Variants in RRAS2 observed in about 807,000 individuals in gnomAD.
The protein encoded by RRAS2 is RAS related 2, also known as ras-related protein R-Ras2.
Under a neutral mutation model 27.6 loss-of-function variants are expected in RRAS2, and 7 were observed. The ratio of observed to expected loss-of-function variants is 0.25; its 90% CI spans 0.14 to 0.48. RRAS2 has a LOEUF of 0.48. Ranked by LOEUF, RRAS2 falls within the 20% of genes least tolerant of loss-of-function variation. The pLI, the probability that RRAS2 is intolerant of heterozygous loss-of-function variation, is 0.99. For missense variants in RRAS2, 178 were observed against 256.2 expected (o/e 0.69, Z 2.08); for synonymous variants, 86 against 90.9 (o/e 0.95, Z 0.31).
At chr11:14,292,529 G>A (rs1847427392) in intron 4 of RRAS2, among the ~76,000 whole-genome samples, 1 of 151,828 alleles carries the variant, frequency 6.6e-6, no homozygotes, top group Admixed American at 6.6e-5. Flanking sequence ...AGGGTCCACT[G>A]GGCAACATCA....
rs1167004807 is a variant in RRAS2 at position 14,295,700 on chromosome 11, A to C, written c.196+68T>G. The C allele has an allele frequency of 5.0e-6, 6 of 1,201,904 alleles. No individual in the cohort carries two copies. In the African/African-American group the frequency reaches 9.2e-5, roughly 18 times the overall value. 74.5% of individuals were successfully genotyped at this position (1,201,904 alleles called of 1,614,324 possible). A position where few individuals can be genotyped will look rare whatever the true frequency, so the allele number is the denominator to read the frequency against. On this transcript the variant is annotated intron_variant, in intron 2 of 5. Coordinates refer to ENST00000256196, the MANE Select transcript of RRAS2 (RefSeq NM_012250.6). ...TTTCAAATATATTATTTAACATAGC[A>C]AAACATCAGCGCTTACTTTTTTAAA...
chr11:14,343,938 C>T (rs1489128605), intron 1 of RRAS2, among the ~76,000 whole-genome samples: 2 of 150,730 alleles, frequency 1.3e-5, no homozygotes, highest in South Asian at 2.1e-4. Context: ...TCCAGGAGTT[C>T]GAGAGCAGCC....
At chr11:14,307,624 A>C (rs1399722821) in intron 1 of RRAS2, among the ~76,000 whole-genome samples, 9 of 152,102 alleles carry the variant, frequency 5.9e-5, no homozygotes, top group Admixed American at 5.9e-4. Flanking sequence ...AATCAGGTCT[A>C]ACTCCAATGC....
chr11:14,295,356 T>C (rs186916355), intron 2 of RRAS2, among the ~76,000 whole-genome samples: 4 of 152,368 alleles, frequency 2.6e-5, no homozygotes, highest in African/African-American at 9.6e-5. Context: ...AGAGGGGGGA[T>C]GTTTAGACAC....
chr11:14,328,179 C>T (rs934772510), intron 1 of RRAS2, among the ~76,000 whole-genome samples: 6 of 151,892 alleles, frequency 4.0e-5, no homozygotes, highest in African/African-American at 1.5e-4. Context: ...ACCAGCCTGA[C>T]CAACATGGAG....
chr11:14,322,207 T>A (rs1554950368), intron 1 of RRAS2, among the ~76,000 whole-genome samples: 1 of 151,372 alleles, frequency 6.6e-6, no homozygotes, highest in East Asian at 1.9e-4. Flanking sequence ...GGGGCAGGTG[T>A]GTCACTTGGA....
chr11:14,346,314 T>C (rs2134029691), intron 1 of RRAS2, among the ~76,000 whole-genome samples: 1 of 152,300 alleles, frequency 6.6e-6, no homozygotes, highest in South Asian at 2.1e-4. Context: ...AATACAAAAA[T>C]GGAGAAGTCT....
At chr11:14,313,362 T>C (rs1200340695) in intron 1 of RRAS2, among the ~76,000 whole-genome samples, 1 of 152,190 alleles carries the variant, frequency 6.6e-6, no homozygotes, top group African/African-American at 2.4e-5. Flanking sequence ...TATATGCATA[T>C]AATATAGGTC....
In RRAS2 at chr11:14,338,021, T is replaced by C. The variant is rs759754963; in HGVS notation, c.108+20742A>G. On this transcript the variant is annotated intron_variant, in intron 1 of 5. Transcript: ENST00000256196. Reference sequence around the variant, plus strand: ...CCTTCTCGAGTTTTCTATAGTATGCTTGACAGTTCAAAAAAAAAGTTAATA... The same window carrying C: ...CCTTCTCGAGTTTTCTATAGTATGCCTGACAGTTCAAAAAAAAAGTTAATA... Among the ~76,000 whole-genome samples, 149 of 152,246 alleles carry C rather than the reference T, an allele frequency of 9.8e-4. 1 individual carries two copies. The highest frequency in any genetic ancestry group is 2.0e-3 in the Admixed American group (31 of 15,292).
chr11:14,361,528 T>C (rs915320204), upstream of RRAS2, among the ~76,000 whole-genome samples: 1 of 152,152 alleles, frequency 6.6e-6, no homozygotes, highest in African/African-American at 2.4e-5. Context: ...AGACCCTGTC[T>C]CAAAAAAAAG....
chr11:14,337,293 T>G (rs559718983), intron 1 of RRAS2: 22 of 152,364 alleles, frequency 1.4e-4, no homozygotes, highest in African/African-American at 5.1e-4. Context: ...CTGTATATGC[T>G]ACTCAACCGT....
intron 1 of RRAS2, among the ~76,000 whole-genome samples, chr11:14,300,446 A>G (rs1377459330): frequency 1.3e-5 from 2 of 152,130 alleles, no homozygotes; most frequent in Non-Finnish European, 2.9e-5. Flanking sequence ...ACGCGCCTAT[A>G]GTCCCAGCTA....
intron 1 of RRAS2, among the ~76,000 whole-genome samples, chr11:14,332,792 T>C (rs1848507172): frequency 1.3e-5 from 2 of 151,656 alleles, no homozygotes; most frequent in African/African-American, 4.9e-5. Flanking sequence ...CTTTTCCAAG[T>C]AAAGTAACAG....
rs567596127 is a variant in RRAS2, at chr11:14,284,839, T to A, written c.409-3119A>T. ...TTCATTATTGCTAGCCAGGCAATCATGAAAATAATTAAAGTAGCTATATAA... is the reference window on the plus strand; with the variant it reads ...TTCATTATTGCTAGCCAGGCAATCAAGAAAATAATTAAAGTAGCTATATAA... On this transcript the variant is annotated intron_variant, in intron 4 of 5. Transcript: ENST00000256196. Among the ~76,000 whole-genome samples, 11 of 152,324 alleles carry A rather than the reference T, an allele frequency of 7.2e-5. No individual in the cohort carries two copies. The East Asian group carries it at 2.1e-3, about 29-fold the overall frequency.
chr11:14,329,009 GTGTATATATA>G (rs1848428078), intron 1 of RRAS2, among the ~76,000 whole-genome samples: 1 of 58,156 alleles, frequency 1.7e-5, no homozygotes, highest in African/African-American at 4.6e-5. Flanking sequence ...GTGTGTGTGT[GTGTATATATA>G]TATATATATA....
chr11:14,348,075 T>C (rs1848875848), intron 1 of RRAS2, among the ~76,000 whole-genome samples: 1 of 152,198 alleles, frequency 6.6e-6, no homozygotes, highest in African/African-American at 2.4e-5. Flanking sequence ...TAAGAAGATA[T>C]ATTTTTTAAA....
chr11:14,350,429 T>C (rs1360587861), intron 1 of RRAS2, among the ~76,000 whole-genome samples: 1 of 152,274 alleles, frequency 6.6e-6, no homozygotes, highest in South Asian at 2.1e-4. Context: ...CCTCTCACCA[T>C]GTGATCTCTG....
intron 4 of RRAS2, among the ~76,000 whole-genome samples, chr11:14,287,801 G>A (rs1341607483): frequency 6.6e-6 from 1 of 150,936 alleles, no homozygotes; most frequent in African/African-American, 2.4e-5. Context: ...GAACCCGGGA[G>A]GTGGAGGTTG....
intron 1 of RRAS2, among the ~76,000 whole-genome samples, chr11:14,349,736 T>C (rs1241562125): frequency 2.0e-5 from 3 of 152,198 alleles, no homozygotes; most frequent in African/African-American, 7.2e-5. Context: ...TCTTTCAATC[T>C]TTTTGTCTTT....
Sources: gnomAD v4.1 joint callset for allele counts (sites outside exome capture counted in the v4.1 genomes callset) on GRCh38, gnomAD v4.1.1 for gene constraint, MANE v1.5 for transcripts, NCBI Gene and HGNC (gene_info 2026-07-23, HGNC 2026-07-21) for gene names.